Variants in CACNA2D3 observed in about 807,000 individuals in gnomAD.
CACNA2D3 encodes the protein voltage-dependent calcium channel subunit alpha-2/delta-3.
A neutral mutation model predicts 160.6 loss-of-function variants in CACNA2D3; 60 were observed. That is an observed-to-expected ratio of 0.37 (90% CI 0.30 to 0.46). CACNA2D3 has a LOEUF of 0.46. CACNA2D3 is among the 20% of genes least tolerant of loss of function. The pLI, the probability that CACNA2D3 is intolerant of heterozygous loss-of-function variation, is 1.00. For synonymous variants in CACNA2D3, 558 were observed against 492.9 expected, an observed-to-expected ratio of 1.13 and a Z score of -1.75; for missense variants, 1,205 against 1,365.0, an observed-to-expected ratio of 0.88 and a Z score of 1.85.
At chr3:54,983,460 G>A (rs570952023) in intron 29 of CACNA2D3, among the ~76,000 whole-genome samples, 3 of 152,310 alleles carry the variant, frequency 2.0e-5, no homozygotes, top group Admixed American at 1.3e-4. Flanking sequence ...GTTTCCCTGA[G>A]GCCAAGAGCT....
chr3:54,547,630 T>C (rs902318135), intron 5 of CACNA2D3, among the ~76,000 whole-genome samples: 2 of 150,216 alleles, frequency 1.3e-5, no homozygotes, highest in African/African-American at 4.9e-5. Flanking sequence ...CAGGAAGACA[T>C]AGAGGATTTA....
rs1320786325 is a variant in CACNA2D3, at chr3:54,267,716, A to C, written c.205-52726A>C. Among the ~76,000 whole-genome samples, 3 of 152,206 alleles carry C rather than the reference A, an allele frequency of 2.0e-5. No individual in the cohort carries two copies. The East Asian group carries it at 5.8e-4, about 29-fold the overall frequency. On this transcript the variant is annotated intron_variant, in intron 2 of 37. Coordinates refer to ENST00000474759, the MANE Select transcript of CACNA2D3 (RefSeq NM_018398.3). ...TTGTGCTATATATGACTGAAAACTT[A>C]GAAGATGTTTCCTAAGTGAAATATA... is the stretch of plus-strand genomic sequence containing the variant.
intron 11 of CACNA2D3, among the ~76,000 whole-genome samples, chr3:54,726,712 T>C (rs1701283964): frequency 6.6e-6 from 1 of 152,220 alleles, no homozygotes; most frequent in South Asian, 2.1e-4. Flanking sequence ...GCTAGCCATA[T>C]GCAGAAAACT....
At chr3:54,844,721 T>G (rs1698897506) in intron 16 of CACNA2D3, among the ~76,000 whole-genome samples, 1 of 152,196 alleles carries the variant, frequency 6.6e-6, no homozygotes, top group African/African-American at 2.4e-5. Flanking sequence ...TTGATTATTA[T>G]AATTTTGATA....
intron 2 of CACNA2D3, among the ~76,000 whole-genome samples, chr3:54,215,443 C>T (rs754770161): frequency 9.2e-5 from 14 of 152,174 alleles, no homozygotes; most frequent in Non-Finnish European, 1.5e-4. Context: ...ATGTGTTCGT[C>T]GTAACTGAAA....
At chr3:54,253,430 A>G (rs1702234127) in intron 2 of CACNA2D3, among the ~76,000 whole-genome samples, 1 of 152,102 alleles carries the variant, frequency 6.6e-6, no homozygotes, top group South Asian at 2.1e-4. Flanking sequence ...CTGGAGCAGG[A>G]GCCAGAGAGA....
intron 2 of CACNA2D3, among the ~76,000 whole-genome samples, chr3:54,244,999 T>C (rs1702043765): frequency 6.6e-6 from 1 of 152,200 alleles, no homozygotes; most frequent in Non-Finnish European, 1.5e-5. Flanking sequence ...TTTGAGCAGC[T>C]TAAAACGTGT....
intron 18 of CACNA2D3, chr3:54,875,236 T>A (rs893654949): frequency 1.3e-5 from 2 of 151,920 alleles, no homozygotes. Context: ...AGCACAGCAC[T>A]CCCCCACCCC....
At chr3:54,460,472 C>T (rs1700482088) in intron 4 of CACNA2D3, among the ~76,000 whole-genome samples, 2 of 152,140 alleles carry the variant, frequency 1.3e-5, no homozygotes, top group Admixed American at 6.5e-5. Flanking sequence ...TTGTAGTTCT[C>T]CTTGAAGAGG....
intron 2 of CACNA2D3, among the ~76,000 whole-genome samples, chr3:54,254,242 T>C (rs1170191137): frequency 1.3e-5 from 2 of 152,152 alleles, no homozygotes; most frequent in East Asian, 1.9e-4. Context: ...AGTGGTGAGT[T>C]TGATCTCTGG....
chr3:54,242,582 C>T (rs1701992779), intron 2 of CACNA2D3, among the ~76,000 whole-genome samples: 1 of 152,182 alleles, frequency 6.6e-6, no homozygotes. Flanking sequence ...CCCTGCGACG[C>T]CTCAACAGTC....
At chr3:55,052,097 G>A (rs1704236433) in intron 35 of CACNA2D3, among the ~76,000 whole-genome samples, 1 of 152,154 alleles carries the variant, frequency 6.6e-6, no homozygotes, top group Admixed American at 6.5e-5. Context: ...GTAGACTGGA[G>A]CTGTTCCTAT....
chr3:54,451,716 TTTA>T (rs1328712158), intron 4 of CACNA2D3, among the ~76,000 whole-genome samples: 2 of 152,142 alleles, frequency 1.3e-5, no homozygotes, highest in African/African-American at 4.8e-5. Flanking sequence ...CCATCCTCAG[TTTA>T]TCACTTTCCT....
At chr3:54,838,543 A>G (rs1698745959) in intron 15 of CACNA2D3, 25 bp from the exon 16 acceptor site, 3 of 1,574,380 alleles carry the variant, frequency 1.9e-6, no homozygotes, top group Non-Finnish European at 2.6e-6. Flanking sequence ...TACTGTTATT[A>G]TAATTCAATG....
chr3:54,961,367 G>A (rs1357005201), intron 27 of CACNA2D3, among the ~76,000 whole-genome samples: 1 of 152,200 alleles, frequency 6.6e-6, no homozygotes, highest in East Asian at 1.9e-4. Context: ...TTTGGGAAAA[G>A]TCACTCTACT....
At chr3:55,033,866 A>ATGTAATATATAT (rs1369909560) in intron 35 of CACNA2D3, among the ~76,000 whole-genome samples, 1 of 120,832 alleles carries the variant, frequency 8.3e-6, no homozygotes, top group Non-Finnish European at 1.7e-5. Context: ...TATATTTAAT[A>ATGTAATATATAT]TATAATATAT....
intron 5 of CACNA2D3, among the ~76,000 whole-genome samples, chr3:54,532,719 G>A (rs1393929895): frequency 6.6e-6 from 1 of 152,140 alleles, no homozygotes; most frequent in Non-Finnish European, 1.5e-5. Context: ...CACTTAGGTT[G>A]ATTCCATATC....
intron 27 of CACNA2D3, among the ~76,000 whole-genome samples, chr3:54,960,290 C>T (rs1559645746): frequency 6.6e-6 from 1 of 152,088 alleles, no homozygotes; most frequent in African/African-American, 2.4e-5. Context: ...TCACCACAGA[C>T]ATATATCATG....
chr3:54,698,952 C>T (rs1397631993), intron 11 of CACNA2D3, among the ~76,000 whole-genome samples: 1 of 152,132 alleles, frequency 6.6e-6, no homozygotes, highest in East Asian at 1.9e-4. Flanking sequence ...GCAGGCGGCC[C>T]TGCAAGGACT....
Sources: allele counts gnomAD v4.1 joint callset (sites outside exome capture counted in the v4.1 genomes callset), GRCh38; gene constraint gnomAD v4.1.1; transcripts MANE v1.5; gene names NCBI Gene and HGNC (gene_info 2026-07-23, HGNC 2026-07-21).